Variants in DYSF observed in about 807,000 individuals in gnomAD.
DYSF encodes the protein dystrophy-associated fer-1-like 1.
DYSF carries 212 observed loss-of-function variants against 274.9 expected under a neutral mutation model. That is an observed-to-expected ratio of 0.77 (90% CI 0.69 to 0.86). The LOEUF (loss-of-function observed/expected upper bound fraction) is 0.86. DYSF is among the 40% of genes least tolerant of loss of function. The pLI, the probability that DYSF is intolerant of heterozygous loss-of-function variation, is 0.00. For missense variants in DYSF, 2,666 were observed against 2,783.2 expected (o/e 0.96, Z 0.95); for synonymous variants, 1,091 against 1,078.7 (o/e 1.01, Z -0.22).
chr2:71,650,876 G>A (rs1431391425), intron 42 of DYSF, among the ~76,000 whole-genome samples: 1 of 152,130 alleles, frequency 6.6e-6, no homozygotes, highest in East Asian at 1.9e-4. Flanking sequence ...AGTTAAAGCA[G>A]CGTTCAGAGG....
chr2:71,509,425 G>T (rs917275637), intron 4 of DYSF, among the ~76,000 whole-genome samples: 3 of 152,168 alleles, frequency 2.0e-5, no homozygotes, highest in Non-Finnish European at 4.4e-5. Context: ...GCCTCCCAAA[G>T]TGCTGGGATT....
Position 71,527,161 on chromosome 2 carries a change from G to A in DYSF, c.1276+815G>A, listed in dbSNP as rs374719023. ...TTTTAGATTGACTCGAGTTAGGGCAGGGCTCAGCATTGGTAGGGTTTAAAG... is the reference window on the plus strand; with the variant it reads ...TTTTAGATTGACTCGAGTTAGGGCAAGGCTCAGCATTGGTAGGGTTTAAAG... On this transcript the variant is annotated intron_variant, in intron 13 of 55. Transcript: ENST00000410020. Among the ~76,000 whole-genome samples, 29 of 152,328 alleles carry A rather than the reference G, an allele frequency of 1.9e-4. 1 individual carries two copies. The East Asian group carries it at 4.0e-3, about 21-fold the overall frequency.
rs190989607 is a variant in DYSF at position 71,491,734 on chromosome 2, G to A, written c.239+9764G>A. 4.9e-3 allele frequency among the ~76,000 whole-genome samples: 748 copies of A among 152,340 alleles called. 13 individuals are homozygous for A. The highest frequency in any genetic ancestry group is 0.027 in the Middle Eastern group (8 of 294). ...CAGCTCCATCCATGTTCCTGCAAAG[G>A]ACATGATCTCATTCTTTTTCATGGC... On this transcript the variant is annotated intron_variant, in intron 3 of 55. Transcript: ENST00000410020.
intron 1 of DYSF, among the ~76,000 whole-genome samples, chr2:71,472,490 T>A (rs1428498751): frequency 6.6e-6 from 1 of 152,186 alleles, no homozygotes; most frequent in Non-Finnish European, 1.5e-5. Context: ...CACTGCAAGC[T>A]CTGCCTCCCG....
At chr2:71,642,890 T>G (rs1403557498) in intron 41 of DYSF, among the ~76,000 whole-genome samples, 1 of 152,234 alleles carries the variant, frequency 6.6e-6, no homozygotes, top group Admixed American at 6.5e-5. Context: ...AGGTGTTCAG[T>G]TCCTGGTGGA....
intron 4 of DYSF, among the ~76,000 whole-genome samples, chr2:71,503,905 G>T (rs751421826): frequency 1.2e-4 from 19 of 152,162 alleles, no homozygotes; most frequent in Non-Finnish European, 2.8e-4. Flanking sequence ...ACCCTGTAGG[G>T]TTCTCTCTTC....
chr2:71,483,440 G>C (rs975730612), intron 3 of DYSF, among the ~76,000 whole-genome samples: 2 of 152,192 alleles, frequency 1.3e-5, no homozygotes, highest in Admixed American at 1.3e-4. Flanking sequence ...TGACTTGAAG[G>C]CAGGGGTAGG....
chr2:71,503,434 C>T, intron 4 of DYSF, 115 bp downstream of exon 4: 1 of 1,066,790 alleles, frequency 9.4e-7, no homozygotes, highest in Non-Finnish European at 1.4e-6. Flanking sequence ...TCCCTTGAAG[C>T]AGGCCTGGCC....
intron 45 of DYSF, among the ~76,000 whole-genome samples, chr2:71,661,076 T>G (rs574173282): frequency 7.8e-6 from 1 of 127,904 alleles, no homozygotes; most frequent in East Asian, 2.3e-4. Context: ...GTGATCAAAC[T>G]ACTGCACTCC....
chr2:71,618,169 TGGTAGAG>T (rs1427855490), intron 40 of DYSF, among the ~76,000 whole-genome samples: 14 of 101,314 alleles, frequency 1.4e-4, no homozygotes, highest in East Asian at 3.1e-4. Flanking sequence ...TGTGTGTGTG[TGGTAGAG>T]GTGGGGTATA....
At chr2:71,678,242 G>A (rs576434671) in intron 52 of DYSF, among the ~76,000 whole-genome samples, 1 of 152,134 alleles carries the variant, frequency 6.6e-6, no homozygotes, top group Non-Finnish European at 1.5e-5. Flanking sequence ...CATTATGTTG[G>A]CAATCAGAAA....
chr2:71,564,427 T>G (rs567834093), intron 24 of DYSF, among the ~76,000 whole-genome samples: 1 of 152,210 alleles, frequency 6.6e-6, no homozygotes, highest in African/African-American at 2.4e-5. Flanking sequence ...AGTTAGTAGG[T>G]TTGAGCCGGA....
chr2:71,571,775 ACACACACAGATCACACCCAG>A (rs1453831037), intron 29 of DYSF, among the ~76,000 whole-genome samples: 4 of 137,708 alleles, frequency 2.9e-5, no homozygotes, highest in Non-Finnish European at 4.7e-5. Context: ...CACACCCAGC[ACACACACAGATCACACCCAG>A]CACACACAGC....
chr2:71,647,369 A>T (rs1004763513), intron 42 of DYSF, among the ~76,000 whole-genome samples: 1 of 152,264 alleles, frequency 6.6e-6, no homozygotes, highest in Non-Finnish European at 1.5e-5. Flanking sequence ...AGCAGAAATC[A>T]TACAAGACAG....
At position 71,568,218 on chromosome 2, in the gene DYSF, C is replaced by T. The variant is rs769739410; in HGVS notation, c.2744C>T (p.Thr915Met). The change falls in exon 26 of 56, where the codon ACG (threonine) becomes ATG (methionine). Residue 915 changes from threonine to methionine, a missense_variant. Transcript: ENST00000410020. ...GCCCTTGTTGGGAACTGGGGCACAA[C>T]GGGCCTCACCTACCCCAAGTTTTCT... is the stretch of plus-strand genomic sequence containing the variant. ...KLALVGNWGT[T>M]GLTYPKFSDV... is the part of the protein sequence containing the mutation. 3.3e-5 allele frequency: 54 copies of T among 1,614,126 alleles called. No homozygotes were observed. The highest frequency in any genetic ancestry group is 8.3e-5 in the Admixed American group (5 of 60,012).
Position 71,686,759 on chromosome 2 carries a change from C to G in DYSF, c.*267C>G, listed in dbSNP as rs181677134. On this transcript the variant is annotated 3_prime_UTR_variant, in exon 56 of 56. Transcript: ENST00000410020. Reference sequence around the variant, plus strand: ...ATATTTCAGTATAAAACAGTTGGAACCACACAGCAGTGTCAGTGTGTGTAT... The same window carrying G: ...ATATTTCAGTATAAAACAGTTGGAAGCACACAGCAGTGTCAGTGTGTGTAT... The G allele has an allele frequency of 5.4e-3, 2,829 of 524,112 alleles. 21 individuals carry two copies. Among genetic ancestry groups the G allele is most frequent in the Non-Finnish European group, 7.0e-3 (2,001 of 285,448 alleles). The allele number at this position is 524,112 out of a possible 1,614,324, so 32.5% of individuals were successfully genotyped here.
chr2:71,658,941 C>A lies in DYSF; in HGVS notation c.4819C>A (p.His1607Asn), dbSNP rs1298041271. 6.2e-7 allele frequency: 1 copy of A among 1,614,090 alleles called. No homozygotes were observed. The highest frequency in any genetic ancestry group is 8.5e-7 in the Non-Finnish European group (1 of 1,180,040). Residue 1607 changes from histidine to asparagine, a missense_variant, in exon 44 of 56, where the codon CAC becomes AAC. His to Asn is a moderately conservative substitution (Grantham distance 68, BLOSUM62 1). This residue lies in a region of DYSF where 1,460 missense variants were observed against 1,502.1 expected (regional missense o/e 0.97). Transcript: ENST00000410020. ...PAIPMPPRQF[H>N]QLAAQGPQEC... The stretch of plus-strand genomic sequence containing the variant: ...CATCCCCATGCCCCCAAGACAGTTC[C>A]ACCAGCTGGCCGCCCAGGGACCCCA...
Position 71,669,709 on chromosome 2 carries a change from A to G in DYSF, c.5747A>G (p.Tyr1916Cys), listed in dbSNP as rs767593956. 5 of 1,614,146 alleles carry G rather than the reference A, an allele frequency of 3.1e-6. No homozygotes were observed. The highest frequency in any genetic ancestry group is 2.2e-5 in the East Asian group (1 of 44,882). ...FNWRFIFPFD[Y>C]LPAEQVCTIA... ...TGGAGGTTCATTTTCCCCTTCGACT[A>G]CCTGCCAGCTGAGCAAGTCTGTACC... Residue 1916 changes from tyrosine (Y) to cysteine (C), a missense_variant, in exon 51 of 56, where the codon TAC becomes TGC. Physicochemically the swap from Tyr to Cys is radical, Grantham distance 194 (BLOSUM62 -2). Coordinates refer to ENST00000410020, the MANE Select transcript of DYSF (RefSeq NM_001130987.2).
intron 19 of DYSF, 98 bp from the exon 20 acceptor site, chr2:71,552,913 C>T (rs1022987527): frequency 1.6e-5 from 21 of 1,302,794 alleles, no homozygotes; most frequent in Admixed American, 7.7e-5. Flanking sequence ...TATTGGGTGC[C>T]GGTTATGGCC....
Sources: allele counts gnomAD v4.1 joint callset (sites outside exome capture counted in the v4.1 genomes callset), GRCh38; gene constraint gnomAD v4.1.1; regional missense constraint gnomAD v4.1.1; transcripts MANE v1.5; gene names NCBI Gene and HGNC (gene_info 2026-07-23, HGNC 2026-07-21).